Variants in B4GALT6 observed in about 807,000 individuals in gnomAD.
B4GALT6 encodes the protein beta-1,4-galactosyltransferase 6, also known as UDP-Gal:beta-GlcNAc beta-1,4-galactosyltransferase 6.
Under a neutral mutation model 46.3 loss-of-function variants are expected in B4GALT6, and 14 were observed. That is an observed-to-expected ratio of 0.30 (90% confidence interval 0.20 to 0.47). The LOEUF (loss-of-function observed/expected upper bound fraction) is 0.47, where lower values mean the gene tolerates loss of function less well. Ranked by LOEUF, B4GALT6 falls within the 20% of genes least tolerant of loss-of-function variation. The pLI is 0.99. For synonymous variants in B4GALT6, 168 were observed against 162.0 expected (o/e 1.04, Z -0.28); for missense variants, 386 against 480.1 (o/e 0.80, Z 1.83).
At chr18:31,722,819 AAG>A in the B4GALT6 span, among the ~76,000 whole-genome samples, 4 of 152,184 alleles carry the variant, frequency 2.6e-5, no homozygotes, top group Admixed American at 2.6e-4. Context: ...CACACAATAA[AAG>A]AGAATTTGAG....
intron 2 of B4GALT6, among the ~76,000 whole-genome samples, chr18:31,660,425 T>G (rs2074198922): frequency 6.6e-6 from 1 of 152,194 alleles, no homozygotes; most frequent in Admixed American, 6.5e-5. Context: ...CTGCTTAAGA[T>G]TACTATTGTT....
At chr18:31,719,645 C>A in the B4GALT6 span, among the ~76,000 whole-genome samples, 2 of 152,166 alleles carry the variant, frequency 1.3e-5, no homozygotes, top group African/African-American at 4.8e-5. Context: ...TTTATTATTA[C>A]TGAAATTAGT....
the B4GALT6 span, among the ~76,000 whole-genome samples, chr18:31,720,856 T>A: frequency 6.6e-6 from 1 of 152,084 alleles, no homozygotes; most frequent in Non-Finnish European, 1.5e-5. Flanking sequence ...GATTTGCAAA[T>A]CTGGGATATG....
In B4GALT6 at chr18:31,658,085, A is replaced by G. The variant is rs746407564; in HGVS notation, c.237T>C (p.Tyr79=). 2 of 1,597,758 alleles carry G rather than the reference A, an allele frequency of 1.3e-6. No individual in the cohort carries two copies. Among genetic ancestry groups the G allele is most frequent in the Non-Finnish European group, 1.7e-6 (2 of 1,168,614 alleles). The change falls in exon 3 of 9, where the codon TAT becomes TAC. Residue 79 remains tyrosine, a synonymous_variant. Coordinates refer to ENST00000306851, the MANE Select transcript of B4GALT6 (RefSeq NM_004775.5). ...NKNSTLNGTD[Y]PEGNNSSDYL... ...AATCACTTGAATTATTGCCTTCGGG[A>G]TAATCTTGGAAAGAGAGAAAAGAGT...
intron 3 of B4GALT6, among the ~76,000 whole-genome samples, chr18:31,650,436 C>A (rs2074050123): frequency 6.6e-6 from 1 of 152,190 alleles, no homozygotes; most frequent in Non-Finnish European, 1.5e-5. Flanking sequence ...GGTCATATGA[C>A]CAAATGCACC....
intron 5 of B4GALT6, among the ~76,000 whole-genome samples, chr18:31,638,199 G>A (rs999609273): frequency 6.6e-6 from 1 of 151,724 alleles, no homozygotes; most frequent in Non-Finnish European, 1.5e-5. Context: ...GAAATATATG[G>A]GCCCAATCCA....
chr18:31,706,042 G>A, the B4GALT6 span, among the ~76,000 whole-genome samples: 1 of 152,072 alleles, frequency 6.6e-6, no homozygotes, highest in Admixed American at 6.6e-5. Context: ...TATTTAGACA[G>A]GTAGTTATGC....
At chr18:31,707,042 T>C in the B4GALT6 span, among the ~76,000 whole-genome samples, 2 of 152,250 alleles carry the variant, frequency 1.3e-5, no homozygotes. Flanking sequence ...AAACATACAT[T>C]ACCTATACTA....
intron 6 of B4GALT6, among the ~76,000 whole-genome samples, 179 bp downstream of exon 6, chr18:31,630,780 C>G (rs2073777135): frequency 6.6e-6 from 1 of 152,056 alleles, no homozygotes; most frequent in Admixed American, 6.6e-5. Flanking sequence ...AAGGAAGCAC[C>G]CAGGGGAACG....
intron 5 of B4GALT6, among the ~76,000 whole-genome samples, chr18:31,634,871 C>T (rs2073838179): frequency 6.6e-6 from 1 of 152,202 alleles, no homozygotes; most frequent in Non-Finnish European, 1.5e-5. Context: ...AATAAAAACG[C>T]AGACCTTAGT....
intron 6 of B4GALT6, among the ~76,000 whole-genome samples, chr18:31,630,610 T>C (rs2073775079): frequency 6.6e-6 from 1 of 152,106 alleles, no homozygotes. Flanking sequence ...ATGGATGGAA[T>C]CTATTATCCC....
At chr18:31,646,016 G>T (rs2073986855) in intron 3 of B4GALT6, among the ~76,000 whole-genome samples, 1 of 152,180 alleles carries the variant, frequency 6.6e-6, no homozygotes, top group Admixed American at 6.5e-5. Flanking sequence ...CAAGGTGGTT[G>T]TATCCATTCC....
intron 4 of B4GALT6, among the ~76,000 whole-genome samples, chr18:31,641,464 T>TA (rs547002658): frequency 2.6e-3 from 389 of 152,368 alleles, no homozygotes; most frequent in African/African-American, 9.2e-3. Flanking sequence ...AACAATATCT[T>TA]AAAAGTTCAT....
At chr18:31,691,300 T>C in the B4GALT6 span, among the ~76,000 whole-genome samples, 4 of 5,818 alleles carry the variant, frequency 6.9e-4, no homozygotes, top group African/African-American at 1.2e-3. Context: ...TACATATATA[T>C]ATATATATAT....
chr18:31,649,782 A>G (rs956926503), intron 3 of B4GALT6, among the ~76,000 whole-genome samples: 8 of 152,200 alleles, frequency 5.3e-5, no homozygotes, highest in Non-Finnish European at 1.2e-4. Flanking sequence ...CTTGGGAAGA[A>G]AAGGAGATGC....
chr18:31,662,318 G>A (rs1310725057), intron 2 of B4GALT6, among the ~76,000 whole-genome samples: 2 of 152,134 alleles, frequency 1.3e-5, no homozygotes, highest in Non-Finnish European at 2.9e-5. Flanking sequence ...CACTCCTTCA[G>A]TACTCTGTCC....
chr18:31,716,473 T>A, the B4GALT6 span, among the ~76,000 whole-genome samples: 6 of 152,362 alleles, frequency 3.9e-5, no homozygotes, highest in East Asian at 1.2e-3. Context: ...CCCTGGAATT[T>A]TCTTACAGTA....
chr18:31,629,980 C>CA (rs920123061), intron 6 of B4GALT6, among the ~76,000 whole-genome samples: 46 of 133,072 alleles, frequency 3.5e-4, no homozygotes, highest in South Asian at 2.7e-3. Flanking sequence ...CAATGACCAG[C>CA]AAAAAAAAAG....
At chr18:31,634,341 G>C (rs1196843744) in intron 5 of B4GALT6, among the ~76,000 whole-genome samples, 1 of 152,220 alleles carries the variant, frequency 6.6e-6, no homozygotes, top group African/African-American at 2.4e-5. Flanking sequence ...TGAGCAACTG[G>C]GAATGTGGCT....
Sources: gnomAD v4.1 joint callset for allele counts (sites outside exome capture counted in the v4.1 genomes callset) on GRCh38, gnomAD v4.1.1 for gene constraint, MANE v1.5 for transcripts, NCBI Gene and HGNC (gene_info 2026-07-23, HGNC 2026-07-21) for gene names.